Variants in IL15 observed in about 807,000 individuals in gnomAD.
IL15 encodes the protein interleukin-15.
In IL15, 11 loss-of-function variants were observed where a neutral mutation model predicts 19.6. The ratio of observed to expected loss-of-function variants is 0.56; its 90% CI spans 0.35 to 0.93. IL15 has a LOEUF of 0.93. IL15 is among the 40% of genes least tolerant of loss of function. The probability of loss-of-function intolerance (pLI) is 0.01; values close to 1 mark genes in which losing one functional copy is unlikely to be tolerated. For synonymous variants in IL15, 58 were observed against 59.6 expected, an observed-to-expected ratio of 0.97 and a Z score of 0.12; for missense variants, 197 against 186.5, an observed-to-expected ratio of 1.06 and a Z score of -0.33.
chr4:141,658,596 A>G (rs1727683680), intron 2 of IL15, among the ~76,000 whole-genome samples: 1 of 151,892 alleles, frequency 6.6e-6, no homozygotes, highest in South Asian at 2.1e-4. Flanking sequence ...TCTAATTAAC[A>G]CTCTCAGATA....
intron 2 of IL15, among the ~76,000 whole-genome samples, chr4:141,677,840 A>G (rs1327809836): frequency 6.6e-6 from 1 of 152,212 alleles, no homozygotes; most frequent in African/African-American, 2.4e-5. Context: ...GTAACATGAA[A>G]CAATCACAGG....
intron 2 of IL15, among the ~76,000 whole-genome samples, chr4:141,710,488 A>C (rs1376292250): frequency 6.6e-6 from 1 of 151,794 alleles, no homozygotes; most frequent in Non-Finnish European, 1.5e-5. Flanking sequence ...ATTTCTTATA[A>C]ACTCATTTTA....
chr4:141,681,311 A>G (rs1327383509), intron 2 of IL15, among the ~76,000 whole-genome samples: 1 of 151,934 alleles, frequency 6.6e-6, no homozygotes, highest in Non-Finnish European at 1.5e-5. Flanking sequence ...AAAAGAGAGA[A>G]GACTTTTTTA....
At chr4:141,686,317 T>C (rs902091398) in intron 2 of IL15, among the ~76,000 whole-genome samples, 1 of 150,520 alleles carries the variant, frequency 6.6e-6, no homozygotes, top group Non-Finnish European at 1.5e-5. Context: ...AATAAATAAA[T>C]AAATAAATAA....
chr4:141,699,353 A>G (rs1729205073), intron 2 of IL15, among the ~76,000 whole-genome samples: 1 of 152,124 alleles, frequency 6.6e-6, no homozygotes, highest in Non-Finnish European at 1.5e-5. Flanking sequence ...CATTTGTTCT[A>G]TGGTATAGCT....
chr4:141,727,101 G>A (rs1485224795), intron 5 of IL15, among the ~76,000 whole-genome samples: 1 of 152,110 alleles, frequency 6.6e-6, no homozygotes, highest in Non-Finnish European at 1.5e-5. Flanking sequence ...TTTTAAAGCA[G>A]TGAAAATATT....
chr4:141,664,518 T>A (rs1727904855), intron 2 of IL15, among the ~76,000 whole-genome samples: 1 of 152,072 alleles, frequency 6.6e-6, no homozygotes, highest in South Asian at 2.1e-4. Context: ...CTGGGGCGTG[T>A]GGGGAAGTAC....
intron 2 of IL15, among the ~76,000 whole-genome samples, chr4:141,706,091 T>C (rs1729504770): frequency 6.6e-6 from 1 of 151,948 alleles, no homozygotes; most frequent in Non-Finnish European, 1.5e-5. Context: ...ACTCCTAACA[T>C]TAAAAAAATT....
intron 2 of IL15, among the ~76,000 whole-genome samples, chr4:141,665,333 C>T (rs113617670): frequency 2.0e-5 from 3 of 152,220 alleles, no homozygotes; most frequent in African/African-American, 7.2e-5. Flanking sequence ...TGACCTTTCA[C>T]TTCAAACTGC....
At position 141,723,874 on chromosome 4, in the gene IL15, T is replaced by C. The variant is rs111315788; in HGVS notation, c.195+1866T>C. Among the ~76,000 whole-genome samples, 833 of 152,134 alleles carry C rather than the reference T, an allele frequency of 5.5e-3. 15 individuals carry two copies. The highest frequency in any genetic ancestry group is 0.019 in the African/African-American group (805 of 41,512). ...AAAAATAATAGGGATAAAAGAGAAA[T>C]AGACAAATCCACAATTATTCTTGAG... On this transcript the variant is annotated intron_variant, in intron 5 of 7. Coordinates refer to ENST00000320650, the MANE Select transcript of IL15 (RefSeq NM_000585.5).
chr4:141,690,207 C>T (rs961725665), intron 2 of IL15, among the ~76,000 whole-genome samples: 6 of 152,194 alleles, frequency 3.9e-5, no homozygotes, highest in South Asian at 2.1e-4. Context: ...CCGCAAGCGC[C>T]GCACGCAGGC....
rs1216679288 is a variant in IL15 at position 141,707,371 on chromosome 4, A to AT, written c.-99-11989dup. Among the ~76,000 whole-genome samples the AT allele has an allele frequency of 2.0e-5, 3 of 152,086 alleles. No homozygotes were observed. The East Asian group carries it at 5.8e-4, about 29-fold the overall frequency. ...TTTTTAAAGATCATAATTTTTAATT[A>AT]TTTTTTAGGCATTTCATAAGTATCA... On this transcript the variant is annotated intron_variant, in intron 2 of 7. Coordinates refer to ENST00000320650, the MANE Select transcript of IL15 (RefSeq NM_000585.5).
At chr4:141,673,392 T>C (rs1728238086) in intron 2 of IL15, among the ~76,000 whole-genome samples, 1 of 152,240 alleles carries the variant, frequency 6.6e-6, no homozygotes, top group Non-Finnish European at 1.5e-5. Context: ...TTTCTTGATT[T>C]ACTTTTATTT....
intron 1 of IL15, among the ~76,000 whole-genome samples, chr4:141,649,529 A>C (rs1167732277): frequency 2.0e-5 from 3 of 152,110 alleles, no homozygotes; most frequent in African/African-American, 7.2e-5. Flanking sequence ...AGAATTATAA[A>C]GATTAAAAGA....
chr4:141,711,977 T>TAGGAATTAGGAA (rs1275424532), intron 2 of IL15, among the ~76,000 whole-genome samples: 6 of 152,132 alleles, frequency 3.9e-5, no homozygotes, highest in African/African-American at 1.4e-4. Context: ...TGTGTTTCAT[T>TAGGAATTAGGAA]ATCCTGGAAT....
At chr4:141,667,100 G>C (rs999780928) in intron 2 of IL15, among the ~76,000 whole-genome samples, 1 of 152,180 alleles carries the variant, frequency 6.6e-6, no homozygotes, top group African/African-American at 2.4e-5. Flanking sequence ...ATTTACACAG[G>C]AATGGAAGTG....
chr4:141,709,907 A>C (rs558033337), intron 2 of IL15, among the ~76,000 whole-genome samples: 1 of 151,728 alleles, frequency 6.6e-6, no homozygotes, highest in African/African-American at 2.4e-5. Flanking sequence ...TAGTTTTTCA[A>C]CCCTTGTTCT....
chr4:141,725,990 T>G (rs945432930), intron 5 of IL15, among the ~76,000 whole-genome samples: 2 of 152,116 alleles, frequency 1.3e-5, no homozygotes, highest in Non-Finnish European at 2.9e-5. Context: ...TGTACTCATG[T>G]GCTAGCTCAG....
chr4:141,679,072 A>G (rs1728452119), intron 2 of IL15, among the ~76,000 whole-genome samples: 1 of 152,206 alleles, frequency 6.6e-6, no homozygotes, highest in Admixed American at 6.5e-5. Context: ...TCACCAGGCC[A>G]GAGACAGCCT....
Sources: gnomAD v4.1 joint callset for allele counts (sites outside exome capture counted in the v4.1 genomes callset) on GRCh38, gnomAD v4.1.1 for gene constraint, MANE v1.5 for transcripts, NCBI Gene and HGNC (gene_info 2026-07-23, HGNC 2026-07-21) for gene names.